The following ZNF564 variants were observed in gnomAD, a reference collection of about 807,000 sequenced individuals.
ZNF564 encodes zinc finger protein 564.
A neutral mutation model predicts 10.5 loss-of-function variants in ZNF564; 5 were observed. That is an observed-to-expected ratio of 0.48 (90% confidence interval 0.25 to 1.00). The LOEUF is 1.00. Among genes scored for constraint, ZNF564 ranks in the 50% least tolerant of loss-of-function variants. The pLI, the probability that ZNF564 is intolerant of heterozygous loss-of-function variation, is 0.16. For missense variants in ZNF564, 603 were observed against 669.7 expected (o/e 0.90, Z 1.10); for synonymous variants, 242 against 218.1 (o/e 1.11, Z -0.97).
chr19:12,551,309 C>G, intron 1 of ZNF564, 21 bp downstream of exon 1: 2 of 1,605,254 alleles, frequency 1.2e-6, no homozygotes, highest in South Asian at 2.2e-5. Flanking sequence ...AGTCTCCAGG[C>G]GCCCGGCCCC....
At chr19:12,550,534 TA>T in intron 1 of ZNF564, 2 of 257,472 alleles carry the variant, frequency 7.8e-6, no homozygotes, top group Non-Finnish European at 8.4e-6. Flanking sequence ...CGCATGCCTG[TA>T]ATCCCAGTTA....
At chr19:12,539,872 T>C (rs886217730) in intron 1 of ZNF564, among the ~76,000 whole-genome samples, 12 of 150,266 alleles carry the variant, frequency 8.0e-5, no homozygotes, top group Non-Finnish European at 1.3e-4. Context: ...TCCCAGCTAC[T>C]CGGGAGGCTG....
Position 12,527,538 on chromosome 19 carries a change from C to T in ZNF564, c.570G>A (p.Lys190=). 6.2e-7 allele frequency: 1 copy of T among 1,614,004 alleles called. No individual in the cohort carries two copies. The highest frequency in any genetic ancestry group is 8.5e-7 in the Non-Finnish European group (1 of 1,179,970). Residue 190 remains lysine (K), a synonymous_variant, in exon 4 of 4, where the codon AAG becomes AAA. Transcript: ENST00000339282. ...SLPSVRRHMI[K]HTGDGPYKCQ... ...ATTTATATGGTCCATCTCCAGTGTGCTTAATCATGTGTCTTCGAACACTTG... is the reference window on the plus strand; with the variant it reads ...ATTTATATGGTCCATCTCCAGTGTGTTTAATCATGTGTCTTCGAACACTTG...
At chr19:12,534,553 C>G (rs1436070276) in intron 1 of ZNF564, among the ~76,000 whole-genome samples, 1 of 152,208 alleles carries the variant, frequency 6.6e-6, no homozygotes, top group Non-Finnish European at 1.5e-5. Context: ...GTGGCTCATG[C>G]CTGTAATCCC....
chr19:12,546,065 C>T (rs59538648), intron 1 of ZNF564, among the ~76,000 whole-genome samples: 1,755 of 152,206 alleles, frequency 0.012, 26 homozygotes, highest in African/African-American at 0.04. Flanking sequence ...TAGGGAATTC[C>T]AAGGGTTTTA....
chr19:12,550,926 G>C (rs1303663657), intron 1 of ZNF564, among the ~76,000 whole-genome samples: 2 of 152,206 alleles, frequency 1.3e-5, no homozygotes, highest in Non-Finnish European at 2.9e-5. Flanking sequence ...CTCGGAGGAA[G>C]ACCAGTCCCC....
intron 1 of ZNF564, chr19:12,529,820 TA>T (rs1421725795): frequency 6.6e-6 from 1 of 151,168 alleles, no homozygotes; most frequent in Non-Finnish European, 1.5e-5. Context: ...CTGTCTCTAC[TA>T]AAAATACAAA....
chr19:12,542,192 C>T (rs981016167), intron 1 of ZNF564, among the ~76,000 whole-genome samples: 13 of 150,790 alleles, frequency 8.6e-5, no homozygotes, highest in African/African-American at 3.2e-4. Flanking sequence ...GCCTGTAGTC[C>T]CAGCTACTCG....
At chr19:12,547,077 G>A (rs2022169422) in intron 1 of ZNF564, among the ~76,000 whole-genome samples, 1 of 152,128 alleles carries the variant, frequency 6.6e-6, no homozygotes, top group Admixed American at 6.6e-5. Flanking sequence ...TTTTTTAGGG[G>A]AAGAGGAGGG....
At chr19:12,541,921 C>T (rs1198280126) in intron 1 of ZNF564, among the ~76,000 whole-genome samples, 2 of 144,052 alleles carry the variant, frequency 1.4e-5, no homozygotes, top group South Asian at 2.2e-4. Context: ...AGGCTGAGGC[C>T]GAGGAATCGC....
intron 1 of ZNF564, among the ~76,000 whole-genome samples, chr19:12,542,290 C>CACA (rs965658181): frequency 9.5e-6 from 1 of 105,082 alleles, no homozygotes; most frequent in African/African-American, 4.0e-5. Context: ...GCCTGGGTAA[C>CACA]AGAGTGAGAC....
chr19:12,530,952 A>C (rs1190687574), intron 1 of ZNF564, among the ~76,000 whole-genome samples: 1 of 152,078 alleles, frequency 6.6e-6, no homozygotes, highest in Non-Finnish European at 1.5e-5. Context: ...TTTTTTGTAG[A>C]GATGGGGTCT....
At chr19:12,543,552 T>C (rs534136938) in intron 1 of ZNF564, among the ~76,000 whole-genome samples, 2 of 150,900 alleles carry the variant, frequency 1.3e-5, no homozygotes, top group African/African-American at 4.9e-5. Context: ...GGCACACCTG[T>C]AGTCCCAGCT....
At chr19:12,542,043 ATTTCTTGGCAGGGCATGGT>A in intron 1 of ZNF564, among the ~76,000 whole-genome samples, 1 of 130,072 alleles carries the variant, frequency 7.7e-6, no homozygotes, top group South Asian at 2.4e-4. Flanking sequence ...AAGAAATGCT[ATTTCTTGGCAGGGCATGGT>A]GGCTCACGCC....
chr19:12,542,821 T>G (rs146067412), intron 1 of ZNF564, among the ~76,000 whole-genome samples: 1 of 143,682 alleles, frequency 7.0e-6, no homozygotes, highest in East Asian at 2.2e-4. Context: ...CTGACCAACA[T>G]AGTGAAACTC....
chr19:12,542,145 C>T (rs7250837), intron 1 of ZNF564, among the ~76,000 whole-genome samples: 6,111 of 150,922 alleles, frequency 0.04, 297 homozygotes, highest in African/African-American at 0.12. Flanking sequence ...CCCGACTCTA[C>T]TAAAAATACA....
intron 1 of ZNF564, among the ~76,000 whole-genome samples, chr19:12,532,688 C>A (rs1400041583): frequency 1.3e-5 from 2 of 151,596 alleles, no homozygotes; most frequent in African/African-American, 4.8e-5. Context: ...CACACCACTG[C>A]ATTCCAGCCT....
Position 12,525,510 on chromosome 19 carries a change from T to C in ZNF564, c.*936A>G, listed in dbSNP as rs980207846. The C allele has an allele frequency of 1.7e-4, 26 of 152,358 alleles. No individual in the cohort carries two copies. Among genetic ancestry groups the C allele is most frequent in the African/African-American group, 5.8e-4 (24 of 41,580 alleles). 9.4% of individuals were successfully genotyped at this position (152,358 alleles called of 1,614,324 possible). On this transcript the variant is annotated 3_prime_UTR_variant, in exon 4 of 4. Coordinates refer to ENST00000339282, the MANE Select transcript of ZNF564 (RefSeq NM_144976.4). ...GACAGTATTTCTTGTTTTCCATCTT[T>C]GATACTACTAATCCTAATGAGATGC...
Position 12,530,695 on chromosome 19 carries a change from G to T in ZNF564, c.4-1999C>A, listed in dbSNP as rs546875849. Among the ~76,000 whole-genome samples, 6 of 152,280 alleles carry T rather than the reference G, an allele frequency of 3.9e-5. 1 individual carries two copies. The South Asian group carries it at 1.2e-3, about 32-fold the overall frequency. ...TCTTTCTCAAATTTCAAGAGGAAAT[G>T]ATTCCTGACCAGTCACTATGTGATA... On this transcript the variant is annotated intron_variant, in intron 1 of 3. Transcript: ENST00000339282.
Sources: allele counts gnomAD v4.1 joint callset (sites outside exome capture counted in the v4.1 genomes callset), GRCh38; gene constraint gnomAD v4.1.1; transcripts MANE v1.5; gene names NCBI Gene and HGNC (gene_info 2026-07-23, HGNC 2026-07-21).